The following KRT7 variants were observed in gnomAD, a reference collection of about 807,000 sequenced individuals.
The protein encoded by KRT7 is keratin 7, also known as keratin, type II cytoskeletal 7.
A neutral mutation model predicts 42.8 loss-of-function variants in KRT7; 50 were observed. That is an observed-to-expected ratio of 1.17 (90% CI 0.93 to 1.48). KRT7 has a LOEUF of 1.48. KRT7 is among the 40% of genes most tolerant of loss of function. KRT7 has a pLI of 0.00. For synonymous variants in KRT7, 268 were observed against 266.3 expected, an observed-to-expected ratio of 1.01 and a Z score of -0.06; for missense variants, 588 against 637.6, an observed-to-expected ratio of 0.92 and a Z score of 0.84.
Position 52,245,395 on chromosome 12 carries a change from T to G in KRT7, c.985-17T>G. On this transcript the variant is annotated splice_polypyrimidine_tract_variant and intron_variant, in intron 6 of 8. Transcript: ENST00000331817. ...AGACTGGTGAGCCCCAGCTTACAGC[T>G]GCACTGCTGCCCACAGCGTGCCAAG... The G allele has an allele frequency of 6.2e-7, 1 of 1,612,260 alleles. No individual in the cohort carries two copies. The highest frequency in any genetic ancestry group is 8.5e-7 in the Non-Finnish European group (1 of 1,179,368).
At chr12:52,253,811 A>G (rs549707884), downstream of KRT7, 1 of 584,412 alleles carries the variant, frequency 1.7e-6, no homozygotes, top group African/African-American at 1.9e-5. Flanking sequence ...CCAGAGCCCT[A>G]CTCTTGGTAG....
chr12:52,241,891 T>G (rs1171361355), intron 5 of KRT7: 1 of 276,526 alleles, frequency 3.6e-6, no homozygotes, highest in African/African-American at 2.2e-5. Flanking sequence ...CATGTAATTA[T>G]TGACTCATGT....
chr12:52,252,371 C>T, downstream of KRT7: 1 of 1,614,096 alleles, frequency 6.2e-7, no homozygotes, highest in Non-Finnish European at 8.5e-7. Flanking sequence ...CCATGTCCTG[C>T]TTGGCCTTCT....
chr12:52,255,309 T>C (rs1488641108), downstream of KRT7: 7 of 456,600 alleles, frequency 1.5e-5, no homozygotes, highest in East Asian at 4.9e-4. Context: ...GTCTCTGGCC[T>C]CCATTCTGAG....
At chr12:52,237,448 G>A (rs1426236935) in intron 2 of KRT7, 61 bp from the exon 3 acceptor site, 9 of 1,234,652 alleles carry the variant, frequency 7.3e-6, no homozygotes, top group East Asian at 4.9e-5. Flanking sequence ...TGCATATGGC[G>A]GAGGGGGGAC....
At chr12:52,237,664 G>C (rs1942030496) in intron 3 of KRT7, 95 bp downstream of exon 3, 4 of 1,017,804 alleles carry the variant, frequency 3.9e-6, no homozygotes, top group Non-Finnish European at 1.5e-6. Flanking sequence ...GGGGACCTCT[G>C]GCCAAGGCCT....
intron 3 of KRT7, 193 bp downstream of exon 3, chr12:52,237,762 G>GTGTGTGTGT (rs1942032555): frequency 9.5e-6 from 4 of 419,548 alleles, no homozygotes; most frequent in Admixed American, 4.1e-5. Context: ...GTGTGTGTGT[G>GTGTGTGTGT]GTGACTGATT....
chr12:52,234,489 A>G (rs1941981426), intron 1 of KRT7, among the ~76,000 whole-genome samples: 1 of 151,774 alleles, frequency 6.6e-6, no homozygotes, highest in Non-Finnish European at 1.5e-5. Flanking sequence ...TTCCTTCGCC[A>G]TTCACCCAGA....
chr12:52,237,495 C>A lies in KRT7; in HGVS notation c.537-14C>A. ...GGCAAAGCTGCATCAACACCAGGCC[C>A]TCCTCTACTGTAGGTACGAAGATGA... On this transcript the variant is annotated splice_polypyrimidine_tract_variant and intron_variant, in intron 2 of 8. Coordinates refer to ENST00000331817, the MANE Select transcript of KRT7 (RefSeq NM_005556.4). 6.2e-7 allele frequency: 1 copy of A among 1,601,428 alleles called. No homozygotes were observed.
At position 52,248,752 on chromosome 12, in the gene KRT7, C is replaced by G. The variant is rs375500391; in HGVS notation, c.1402C>G (p.Arg468Gly). The G allele has an allele frequency of 1.9e-6, 3 of 1,563,996 alleles. No homozygotes were observed. The highest frequency in any genetic ancestry group is 1.2e-5 in the South Asian group (1 of 84,864). The stretch of plus-strand genomic sequence containing the variant: ...CGCATCCGCCAGTCGCAGGAGTGCC[C>G]GCGACTGAGCCGCCTCCCACCACTC... The part of the protein sequence containing the change: ...RTASASRRSA[R>G]D Residue 468 changes from arginine to glycine, a missense_variant, in exon 9 of 9, where the codon CGC (arginine) becomes GGC (glycine). Coordinates refer to ENST00000331817, the MANE Select transcript of KRT7 (RefSeq NM_005556.4).
At position 52,248,633 on chromosome 12, in the gene KRT7, T is replaced by C. The variant is rs767818412; in HGVS notation, c.1283T>C (p.Ile428Thr). The change falls in exon 9 of 9, where the codon ATT becomes ACT. Residue 428 changes from isoleucine (I) to threonine (T), a missense_variant. By Grantham distance (89) the Ile-to-Thr change is moderately conservative. Transcript: ENST00000331817. Reference sequence around the variant, plus strand: ...GGTGGCAGTAGCAGTGGCGGTGGCATTGGGCTGACCCTCGGGGGAACCATG... The same window carrying C: ...GGTGGCAGTAGCAGTGGCGGTGGCACTGGGCTGACCCTCGGGGGAACCATG... ...STGGSSSGGG[I>T]GLTLGGTMGS... The C allele has an allele frequency of 3.9e-5, 63 of 1,607,238 alleles. No individual in the cohort carries two copies. Among genetic ancestry groups the C allele is most frequent in the Non-Finnish European group, 5.1e-5 (60 of 1,176,972 alleles).
At chr12:52,234,137 GCT>G (rs1941974777) in intron 1 of KRT7, among the ~76,000 whole-genome samples, 1 of 134,576 alleles carries the variant, frequency 7.4e-6, no homozygotes, top group African/African-American at 2.7e-5. Context: ...AGGGGGGGGG[GCT>G]CCCGCCCCTC....
At chr12:52,244,411 AG>A in intron 6 of KRT7, 2 of 985,638 alleles carry the variant, frequency 2.0e-6, no homozygotes, top group Non-Finnish European at 2.4e-6. Context: ...ACCACCACTG[AG>A]GGGCGTCATG....
chr12:52,245,979 G>T, intron 7 of KRT7: 1 of 271,722 alleles, frequency 3.7e-6, no homozygotes. Flanking sequence ...CTGTGGTTGA[G>T]TTTCATTAAT....
downstream of KRT7, chr12:52,252,305 C>T (rs764115637): frequency 6.2e-7 from 1 of 1,613,892 alleles, no homozygotes; most frequent in African/African-American, 1.3e-5. Context: ...GTGGCGATCT[C>T]AAAGTCCAGG....
chr12:52,233,692 C>T, intron 1 of KRT7, 72 bp downstream of exon 1: 2 of 1,494,282 alleles, frequency 1.3e-6, no homozygotes, highest in Admixed American at 1.7e-5. Flanking sequence ...ACTAGCCCTG[C>T]CTGCGCGCGG....
chr12:52,235,112 C>A, intron 1 of KRT7, 43 bp from the exon 2 acceptor site: 1 of 1,584,952 alleles, frequency 6.3e-7, no homozygotes, highest in Non-Finnish European at 8.7e-7. Context: ...GTGGGTGGCA[C>A]GCTCTGGCTC....
downstream of KRT7, chr12:52,253,556 C>T: frequency 6.2e-7 from 1 of 1,603,320 alleles, no homozygotes; most frequent in Non-Finnish European, 8.5e-7. Context: ...ACCTTGCATC[C>T]CTCCAACTGC....
Position 52,248,855 on chromosome 12 carries a change from C to T in KRT7, c.*95C>T. 1 of 1,257,510 alleles carries T rather than the reference C, an allele frequency of 8.0e-7. No homozygotes were observed. Among genetic ancestry groups the T allele is most frequent in the Non-Finnish European group, 1.1e-6 (1 of 945,736 alleles). 77.9% of individuals were successfully genotyped at this position (1,257,510 alleles called of 1,614,324 possible). On this transcript the variant is annotated 3_prime_UTR_variant, in exon 9 of 9. Coordinates refer to ENST00000331817, the MANE Select transcript of KRT7 (RefSeq NM_005556.4). ...CATGCCTGGTCCCAAGACAGTGAGA[C>T]AGTCTGGAAAGTGATGTCAGAATAG... is the stretch of plus-strand genomic sequence containing the variant.
Sources: gnomAD v4.1 joint callset for allele counts (sites outside exome capture counted in the v4.1 genomes callset) on GRCh38, gnomAD v4.1.1 for gene constraint, MANE v1.5 for transcripts, NCBI Gene and HGNC (gene_info 2026-07-23, HGNC 2026-07-21) for gene names.